The following MID1 variants were observed in gnomAD, a reference collection of about 807,000 sequenced individuals.
MID1 encodes E3 ubiquitin-protein ligase Midline-1.
MID1 carries 7 observed loss-of-function variants against 40.4 expected under a neutral mutation model. The observed-to-expected ratio is 0.17, with a 90% CI of 0.10 to 0.33. The LOEUF (loss-of-function observed/expected upper bound fraction) is 0.33. Among genes scored for constraint, MID1 ranks in the 10% least tolerant of loss-of-function variants. The pLI, the probability that MID1 is intolerant of heterozygous loss-of-function variation, is 1.00. For missense variants in MID1, 367 were observed against 558.5 expected, an observed-to-expected ratio of 0.66 and a Z score of 3.46; for synonymous variants, 229 against 221.2, an observed-to-expected ratio of 1.04 and a Z score of -0.31.
chrX:10,524,654 T>A (rs1474476628), intron 2 of MID1, among the ~76,000 whole-genome samples: 2 of 112,246 alleles, frequency 1.8e-5, no homozygotes, highest in African/African-American at 6.5e-5. Flanking sequence ...GGAAATCAAA[T>A]AAAAATATTA....
chrX:10,704,323 C>T (rs756311212), intron 1 of MID1, among the ~76,000 whole-genome samples: 17 of 111,520 alleles, frequency 1.5e-4, no homozygotes, highest in South Asian at 3.7e-4. Flanking sequence ...AGCAGGTCAA[C>T]GTTTTCTTAT....
At chrX:10,705,209 T>A (rs973716448) in intron 1 of MID1, among the ~76,000 whole-genome samples, 5 of 112,956 alleles carry the variant, frequency 4.4e-5, no homozygotes, top group Admixed American at 1.9e-4. Flanking sequence ...AAACAGTAGG[T>A]GGCTATTGGA....
rs771687882 is a variant in MID1, at chrX:10,526,167, A to G, written c.661-2980T>C. 5.4e-5 allele frequency among the ~76,000 whole-genome samples: 6 copies of G among 111,872 alleles called. No homozygotes were observed. The East Asian group carries it at 1.7e-3, about 31-fold the overall frequency. On this transcript the variant is annotated intron_variant, in intron 2 of 9. Coordinates refer to ENST00000317552, the MANE Select transcript of MID1 (RefSeq NM_000381.4). ...AACATTTCAAATATGACAATTTTAAAGGGGAAGAATAACTTTTTCACTTAA... is the reference window on the plus strand; with the variant it reads ...AACATTTCAAATATGACAATTTTAAGGGGGAAGAATAACTTTTTCACTTAA...
chrX:10,768,745 C>T (rs747032825), intron 1 of MID1, among the ~76,000 whole-genome samples: 9 of 111,993 alleles, frequency 8.0e-5, no homozygotes, highest in African/African-American at 1.3e-4. Context: ...AACTCTCCAT[C>T]CAGGGCATAA....
chrX:10,509,400 T>C (rs1209007375), intron 3 of MID1, among the ~76,000 whole-genome samples: 2 of 111,909 alleles, frequency 1.8e-5, no homozygotes, highest in African/African-American at 6.5e-5. Context: ...AGTGACTATC[T>C]AACTATTTTT....
chrX:10,758,513 C>T (rs1481700359), intron 1 of MID1, among the ~76,000 whole-genome samples: 27 of 58,834 alleles, frequency 4.6e-4, no homozygotes, highest in East Asian at 1.1e-3. Context: ...TTTTTTGAGA[C>T]GGAGTCTCGC....
At chrX:10,656,592 C>A (rs141674926) in intron 1 of MID1, among the ~76,000 whole-genome samples, 1 of 111,708 alleles carries the variant, frequency 9.0e-6, no homozygotes, top group Admixed American at 9.5e-5. Flanking sequence ...CAGCCTAGAT[C>A]TGAACCCTTT....
chrX:10,453,448 A>C (rs1041323588), intron 9 of MID1, among the ~76,000 whole-genome samples: 3 of 112,171 alleles, frequency 2.7e-5, no homozygotes, highest in Non-Finnish European at 3.8e-5. Flanking sequence ...TAAAGCAAGG[A>C]TTCAGCTATC....
chrX:10,830,202 C>T (rs1043838782), intron 1 of MID1, among the ~76,000 whole-genome samples: 7 of 112,058 alleles, frequency 6.2e-5, no homozygotes, highest in African/African-American at 1.9e-4. Flanking sequence ...TGTTCATTGC[C>T]CACCAGTGTT....
At chrX:10,727,081 C>T (rs2043397655) in intron 1 of MID1, among the ~76,000 whole-genome samples, 1 of 111,161 alleles carries the variant, frequency 9.0e-6, no homozygotes, top group Admixed American at 9.4e-5. Context: ...AATGAAGACC[C>T]ATGCTGTTTC....
chrX:10,578,035 T>C (rs1012474097), intron 1 of MID1, among the ~76,000 whole-genome samples: 2 of 112,508 alleles, frequency 1.8e-5, no homozygotes, highest in Non-Finnish European at 3.8e-5. Flanking sequence ...AGGCAAGAAC[T>C]GCTTCCTCGG....
chrX:10,767,596 G>C lies in MID1; in HGVS notation c.-187+65958C>G. 2.7e-5 allele frequency among the ~76,000 whole-genome samples: 3 copies of C among 112,140 alleles called. No individual in the cohort carries two copies. In the South Asian group the frequency reaches 1.1e-3, roughly 42 times the overall value. ...GGCCTCCCAAAGTGCTGGGATTACA[G>C]GCATGAGCCACTGCGCCTGGCCTTG... On this transcript the variant is annotated intron_variant, in intron 1 of 10. Coordinates refer to the MID1 transcript ENST00000380785.
At chrX:10,767,610 C>T (rs1327093573) in intron 1 of MID1, among the ~76,000 whole-genome samples, 1 of 111,945 alleles carries the variant, frequency 8.9e-6, no homozygotes, top group Non-Finnish European at 1.9e-5. Context: ...TGAGCCACTG[C>T]GCCTGGCCTT....
At chrX:10,499,035 G>C (rs180692254) in intron 3 of MID1, among the ~76,000 whole-genome samples, 255 of 112,304 alleles carry the variant, frequency 2.3e-3, no homozygotes, top group African/African-American at 7.9e-3. Context: ...GTTCAAAGTG[G>C]CTGCATTATT....
chrX:10,607,907 C>T (rs1271608381), intron 1 of MID1, among the ~76,000 whole-genome samples: 1 of 112,535 alleles, frequency 8.9e-6, no homozygotes, highest in Non-Finnish European at 1.9e-5. Context: ...ACAAAAAAGG[C>T]AGCAATCATA....
At chrX:10,753,179 A>C in intron 1 of MID1, among the ~76,000 whole-genome samples, 1 of 112,356 alleles carries the variant, frequency 8.9e-6, no homozygotes, top group East Asian at 2.8e-4. Context: ...GAACGGTGGC[A>C]GTAGTCGGCT....
intron 1 of MID1, among the ~76,000 whole-genome samples, chrX:10,748,726 A>G (rs2043578340): frequency 1.8e-5 from 2 of 112,047 alleles, no homozygotes; most frequent in African/African-American, 3.2e-5. Flanking sequence ...GTCATCCCAA[A>G]GAAGAATAAC....
chrX:10,620,725 G>C (rs12559570), upstream of MID1: 2 of 112,218 alleles, frequency 1.8e-5, no homozygotes, highest in Non-Finnish European at 3.8e-5. Context: ...GAAGCAGCTG[G>C]AAACAATGTC....
At chrX:10,504,862 C>A (rs1931749423) in intron 3 of MID1, among the ~76,000 whole-genome samples, 1 of 110,608 alleles carries the variant, frequency 9.0e-6, no homozygotes, top group East Asian at 2.8e-4. Flanking sequence ...AGTGTGAAAG[C>A]AGCCATAGAC....
Sources: allele counts gnomAD v4.1 joint callset (sites outside exome capture counted in the v4.1 genomes callset), GRCh38; gene constraint gnomAD v4.1.1; transcripts MANE v1.5; gene names NCBI Gene and HGNC (gene_info 2026-07-23, HGNC 2026-07-21).